The following GRIN2B variants were observed in gnomAD, a reference collection of about 807,000 sequenced individuals.
GRIN2B encodes glutamate receptor ionotropic, NMDA 2B.
Under a neutral mutation model 114.5 loss-of-function variants are expected in GRIN2B, and 5 were observed. The observed-to-expected ratio is 0.04, with a 90% CI of 0.02 to 0.09. GRIN2B has a LOEUF of 0.09. Among genes scored for constraint, GRIN2B ranks in the 10% least tolerant of loss-of-function variants. The pLI is 1.00. For missense variants in GRIN2B, 1,108 were observed against 1,943.5 expected, an observed-to-expected ratio of 0.57 and a Z score of 8.08; for synonymous variants, 787 against 745.1, an observed-to-expected ratio of 1.06 and a Z score of -0.92.
intron 2 of GRIN2B, among the ~76,000 whole-genome samples, chr12:13,905,839 C>T (rs1040841636): frequency 6.6e-6 from 1 of 152,134 alleles, no homozygotes; most frequent in Non-Finnish European, 1.5e-5. Flanking sequence ...GTTTTCTTCA[C>T]TTTCCCATCC....
In GRIN2B at chr12:13,538,842, CA is replaced by C. The variant is rs201741141; in HGVS notation, c.*23940del. The C allele has an allele frequency of 0.029, 4,303 of 150,030 alleles. 102 individuals are homozygous for C. The highest frequency in any genetic ancestry group is 0.093 in the East Asian group (477 of 5,130). The allele number at this position is 150,030 out of a possible 1,614,324, so 9.3% of individuals were successfully genotyped here. On this transcript the variant is annotated 3_prime_UTR_variant, in exon 14 of 14. Coordinates refer to ENST00000609686, the MANE Select transcript of GRIN2B (RefSeq NM_000834.5). ...AACAAACAAACAAAAAAAAAACAAA[CA>C]AAAAAACAAAAACAACAGAAAAATC...
intron 5 of GRIN2B, among the ~76,000 whole-genome samples, chr12:13,674,573 A>C (rs1410889596): frequency 6.6e-6 from 1 of 152,126 alleles, no homozygotes; most frequent in Non-Finnish European, 1.5e-5. Context: ...GAGGTTGTGA[A>C]TTTCAAGAAG....
chr12:13,577,381 C>T (rs996164577), intron 10 of GRIN2B, among the ~76,000 whole-genome samples: 86 of 152,164 alleles, frequency 5.7e-4, no homozygotes, highest in African/African-American at 2.0e-3. Flanking sequence ...ATCATCTCAG[C>T]CTCCATCTTA....
At chr12:13,859,060 T>A (rs1737538888) in intron 3 of GRIN2B, among the ~76,000 whole-genome samples, 1 of 152,210 alleles carries the variant, frequency 6.6e-6, no homozygotes, top group Admixed American at 6.5e-5. Flanking sequence ...TACCATGCAC[T>A]GGGTACATTG....
intron 3 of GRIN2B, among the ~76,000 whole-genome samples, chr12:13,816,159 G>A (rs1054431071): frequency 2.6e-5 from 4 of 152,116 alleles, no homozygotes; most frequent in African/African-American, 7.2e-5. Context: ...ACCACCCTAC[G>A]TGGCTAGATA....
At chr12:13,921,379 G>A (rs1302358455) in intron 2 of GRIN2B, among the ~76,000 whole-genome samples, 3 of 152,128 alleles carry the variant, frequency 2.0e-5, no homozygotes, top group South Asian at 2.1e-4. Flanking sequence ...ACTCCAGCCT[G>A]GGTGACAGGA....
intron 3 of GRIN2B, among the ~76,000 whole-genome samples, chr12:13,855,049 G>A (rs1361559413): frequency 4.1e-4 from 36 of 87,996 alleles, no homozygotes; most frequent in Admixed American, 5.0e-4. Context: ...CATCTCTACT[G>A]AAAAAAAAAA....
intron 4 of GRIN2B, 108 bp from the exon 5 acceptor site, chr12:13,675,967 G>T: frequency 1.4e-6 from 1 of 709,156 alleles, no homozygotes. Context: ...CAAGTAAATA[G>T]AAATACAGAT....
In GRIN2B at chr12:13,543,543, C is replaced by T. The variant is rs1204027128; in HGVS notation, c.*19240G>A. The T allele has an allele frequency of 6.6e-6, 1 of 152,178 alleles. No individual in the cohort carries two copies. The highest frequency in any genetic ancestry group is 1.5e-5 in the Non-Finnish European group (1 of 68,044). 9.4% of individuals were successfully genotyped at this position (152,178 alleles called of 1,614,324 possible). A position where few individuals can be genotyped will look rare whatever the true frequency, so the allele number is the denominator to read the frequency against. On this transcript the variant is annotated 3_prime_UTR_variant, in exon 14 of 14. Transcript: ENST00000609686. The stretch of plus-strand genomic sequence containing the variant: ...AACCCTGTTCCAATCTAACTTGCCA[C>T]CCTGTTTAAGCAGCTGAAGGTGACT...
chr12:13,747,130 G>T (rs574517246), intron 4 of GRIN2B, among the ~76,000 whole-genome samples: 18 of 152,298 alleles, frequency 1.2e-4, no homozygotes, highest in Non-Finnish European at 2.1e-4. Flanking sequence ...ACAAAAAAGA[G>T]ACAAAGAAGA....
intron 5 of GRIN2B, among the ~76,000 whole-genome samples, chr12:13,632,402 T>C (rs1262188876): frequency 5.3e-5 from 8 of 152,236 alleles, no homozygotes; most frequent in African/African-American, 1.9e-4. Flanking sequence ...ATAGATAATA[T>C]GCAGCCAATA....
intron 4 of GRIN2B, among the ~76,000 whole-genome samples, chr12:13,712,748 G>A (rs1044300099): frequency 1.3e-5 from 2 of 151,820 alleles, no homozygotes; most frequent in Non-Finnish European, 2.9e-5. Context: ...GAAATACATT[G>A]CTATAAAGTA....
chr12:13,749,243 G>T (rs966040914), intron 4 of GRIN2B, among the ~76,000 whole-genome samples: 7 of 152,188 alleles, frequency 4.6e-5, no homozygotes, highest in African/African-American at 9.7e-5. Context: ...TGGGATTCAG[G>T]TATATCATAT....
Position 13,563,839 on chromosome 12 carries a change from G to A in GRIN2B, c.3399C>T (p.Tyr1133=). ...TCTCCTTTGTTCGGAACTGGTCCAG[G>A]TAGAAGTCCCGTAGCCCTTCCTTGT... ...FRDKEGLRDF[Y]LDQFRTKENS... Residue 1133 remains tyrosine, a synonymous_variant, in exon 14 of 14, where the codon TAC becomes TAT. Coordinates refer to ENST00000609686, the MANE Select transcript of GRIN2B (RefSeq NM_000834.5). The A allele has an allele frequency of 1.9e-6, 3 of 1,614,100 alleles. No individual in the cohort carries two copies. Among genetic ancestry groups the A allele is most frequent in the Non-Finnish European group, 1.7e-6 (2 of 1,180,024 alleles).
chr12:13,981,058 T>C (rs1407317578), intron 1 of GRIN2B, among the ~76,000 whole-genome samples: 4 of 151,574 alleles, frequency 2.6e-5, no homozygotes, highest in Non-Finnish European at 4.4e-5. Flanking sequence ...GGCGCGTGGG[T>C]CCGGCCCGGG....
chr12:13,746,877 C>A (rs576856731), intron 4 of GRIN2B, among the ~76,000 whole-genome samples: 27 of 152,300 alleles, frequency 1.8e-4, no homozygotes, highest in Admixed American at 9.8e-4. Flanking sequence ...GCCGGCCCCC[C>A]TCCACCTTCC....
chr12:13,555,549 AAG>A lies in GRIN2B; in HGVS notation c.*7232_*7233del, dbSNP rs1014074463. ...TGTGTGGAAGGAATTAAAGATGCAA[AAG>A]AGAGAAATACAATTGGCTGGAGAGC... On this transcript the variant is annotated 3_prime_UTR_variant, in exon 14 of 14. Transcript: ENST00000609686. 3 of 152,136 alleles carry A rather than the reference AAG, an allele frequency of 2.0e-5. No individual in the cohort carries two copies. Among genetic ancestry groups the A allele is most frequent in the African/African-American group, 4.8e-5 (2 of 41,422 alleles). The allele number at this position is 152,136 out of a possible 1,614,324, so 9.4% of individuals were successfully genotyped here. A position where few individuals can be genotyped will look rare whatever the true frequency, so the allele number is the denominator to read the frequency against.
intron 3 of GRIN2B, among the ~76,000 whole-genome samples, chr12:13,798,052 A>G (rs916533508): frequency 5.9e-5 from 9 of 152,204 alleles, no homozygotes; most frequent in Admixed American, 6.5e-5. Flanking sequence ...TGTATTTCTA[A>G]CAAGTCCCAG....
chr12:13,795,293 T>C (rs1864398478), intron 3 of GRIN2B, among the ~76,000 whole-genome samples: 1 of 151,724 alleles, frequency 6.6e-6, no homozygotes, highest in African/African-American at 2.4e-5. Flanking sequence ...AAATTTTAGG[T>C]GGCAAGGTAG....
Sources: allele counts gnomAD v4.1 joint callset (sites outside exome capture counted in the v4.1 genomes callset), GRCh38; gene constraint gnomAD v4.1.1; transcripts MANE v1.5; gene names NCBI Gene and HGNC (gene_info 2026-07-23, HGNC 2026-07-21).